The following ACOX3 variants were observed in gnomAD, a reference collection of about 807,000 sequenced individuals.
The protein encoded by ACOX3 is acyl-CoA oxidase 3, pristanoyl.
ACOX3 carries 73 observed loss-of-function variants against 81.5 expected under a neutral mutation model. The observed-to-expected ratio is 0.90, with a 90% CI of 0.74 to 1.09. ACOX3 has a LOEUF of 1.09. ACOX3 is among the 50% of genes least tolerant of loss of function. The pLI is 0.00. For synonymous variants in ACOX3, 387 were observed against 375.1 expected, an observed-to-expected ratio of 1.03 and a Z score of -0.37; for missense variants, 947 against 928.0, an observed-to-expected ratio of 1.02 and a Z score of -0.27.
the ACOX3 span, chr4:8,357,378 A>G: frequency 4.8e-5 from 18 of 376,740 alleles, no homozygotes; most frequent in South Asian, 3.3e-4. Flanking sequence ...AAGGAGTACA[A>G]TGAATCAAAT....
intron 14 of ACOX3, among the ~76,000 whole-genome samples, chr4:8,375,546 G>A (rs535616864): frequency 3.3e-4 from 51 of 152,310 alleles, no homozygotes; most frequent in African/African-American, 1.2e-3. Context: ...TTCCACACGG[G>A]AAGACACAGA....
At chr4:8,376,819 C>T (rs1000397342) in intron 14 of ACOX3, among the ~76,000 whole-genome samples, 15 of 151,256 alleles carry the variant, frequency 9.9e-5, no homozygotes, top group Admixed American at 9.9e-4. Flanking sequence ...AGGATCTGGA[C>T]TTGCTCTGGG....
At chr4:8,375,241 CG>C in intron 14 of ACOX3, 89 bp from the exon 15 acceptor site, 1 of 1,330,318 alleles carries the variant, frequency 7.5e-7, no homozygotes, top group Non-Finnish European at 1.0e-6. Context: ...AACACGAACG[CG>C]GGTCTGCGTT....
intron 17 of ACOX3, among the ~76,000 whole-genome samples, chr4:8,367,469 G>A (rs920178815): frequency 1.3e-5 from 2 of 151,322 alleles, no homozygotes; most frequent in East Asian, 3.9e-4. Flanking sequence ...GGCAACAAGA[G>A]CAAAACTCCG....
chr4:8,377,074 G>A (rs1057391439), intron 14 of ACOX3, among the ~76,000 whole-genome samples: 1 of 152,060 alleles, frequency 6.6e-6, no homozygotes, highest in Non-Finnish European at 1.5e-5. Flanking sequence ...GGCTGCTCCT[G>A]TGTCCACGAG....
rs554355047 is a variant in ACOX3, at chr4:8,368,040, A to G, written c.1984-960T>C. 1.4e-3 allele frequency among the ~76,000 whole-genome samples: 216 copies of G among 151,488 alleles called. No individual in the cohort carries two copies. Among genetic ancestry groups the G allele is most frequent in the African/African-American group, 4.7e-3 (194 of 41,374 alleles). ...CGTGGCAGTGGACACGCTGTTTCTT[A>G]GTAACTGCAGCCACCGCAGGATGCT... is the stretch of plus-strand genomic sequence containing the variant. On this transcript the variant is annotated intron_variant, in intron 17 of 17. Transcript: ENST00000356406. This position sits in a 1 kb window ranked among gnomAD's most constrained non-coding sequence, Gnocchi z 5.9.
chr4:8,373,614 C>T lies in ACOX3; in HGVS notation c.1843G>A (p.Gly615Ser), dbSNP rs369045964. The change falls in exon 16 of 18, where the codon GGT (glycine) becomes AGT (serine). Residue 615 changes from glycine (G) to serine (S), a missense_variant. By Grantham distance (56) the Gly-to-Ser change is moderately conservative (BLOSUM62 0). Coordinates refer to ENST00000356406, the MANE Select transcript of ACOX3 (RefSeq NM_003501.3). ...ALLYRGGYFS[G>S]EQAGEVLESA... ...TCCAACACTTCTCCCGCCTGCTCACCGGAGAAGTATCCTCCTGCAAGCACA... is the reference window on the plus strand; with the variant it reads ...TCCAACACTTCTCCCGCCTGCTCACTGGAGAAGTATCCTCCTGCAAGCACA... 40 of 1,612,684 alleles carry T rather than the reference C, an allele frequency of 2.5e-5. No homozygotes were observed. Among genetic ancestry groups the T allele is most frequent in the African/African-American group, 1.2e-4 (9 of 74,888 alleles).
intron 1 of ACOX3, chr4:8,436,266 G>A (rs1041978137): frequency 1.3e-5 from 2 of 152,102 alleles, no homozygotes; most frequent in Non-Finnish European, 2.9e-5. Flanking sequence ...TCAGTAGACT[G>A]GGAGCTATAC....
chr4:8,374,911 C>T (rs1457628043), intron 15 of ACOX3, 67 bp downstream of exon 15: 4 of 1,433,114 alleles, frequency 2.8e-6, no homozygotes, highest in Admixed American at 2.8e-5. Context: ...CAGGAAGCAG[C>T]TTCCTAGATA....
At chr4:8,387,316 A>G (rs1427155052) in intron 13 of ACOX3, among the ~76,000 whole-genome samples, 1 of 152,172 alleles carries the variant, frequency 6.6e-6, no homozygotes. Flanking sequence ...TGTAGGTTCC[A>G]CGGCCAGCAG....
In ACOX3 at chr4:8,437,466, G is replaced by A. The variant is rs868614383; in HGVS notation, c.-15+3182C>T. ...AAGAAAATGGGAGAGACAGCAGTGC[G>A]CGGGGGCAGGGCCTGTGCCACTGCC... On this transcript the variant is annotated intron_variant, in intron 1 of 17. Transcript: ENST00000356406. This position sits in a 1 kb window ranked among gnomAD's most constrained non-coding sequence, Gnocchi z 5.2. Among the ~76,000 whole-genome samples the A allele has an allele frequency of 1.6e-4, 24 of 152,280 alleles. 1 individual carries two copies. The highest frequency in any genetic ancestry group is 3.8e-4 in the African/African-American group (16 of 41,576).
Position 8,381,660 on chromosome 4 carries a change from T to C in ACOX3, c.1538-53A>G. ...AAGTAACAATAGAGAACACAGCATT[T>C]GTCACAACTCACCCCCAGGGACAAG... On this transcript the variant is annotated intron_variant, in intron 13 of 17. Transcript: ENST00000356406. The surrounding 1 kb of genome is among the most constrained non-coding windows in gnomAD (Gnocchi z 4.3). 7.2e-7 allele frequency: 1 copy of C among 1,380,570 alleles called. No homozygotes were observed. The highest frequency in any genetic ancestry group is 1.0e-6 in the Non-Finnish European group (1 of 977,384). 85.5% of individuals were successfully genotyped at this position (1,380,570 alleles called of 1,614,324 possible). A position where few individuals can be genotyped will look rare whatever the true frequency, so the allele number is the denominator to read the frequency against.
intron 14 of ACOX3, among the ~76,000 whole-genome samples, chr4:8,378,595 C>T (rs372522825): frequency 1.3e-5 from 2 of 151,676 alleles, no homozygotes; most frequent in East Asian, 3.9e-4. Flanking sequence ...AGGCAGGCTG[C>T]GGGGACGCCA....
Position 8,437,078 on chromosome 4 carries a change from T to C in ACOX3, c.-15+3570A>G, listed in dbSNP as rs1724290880. ...ACAAATATATGTAAATATATAGAAA[T>C]ATATACACGTAAATATATATATTTA... On this transcript the variant is annotated intron_variant, in intron 1 of 17. Coordinates refer to ENST00000356406, the MANE Select transcript of ACOX3 (RefSeq NM_003501.3). The surrounding 1 kb of genome is among the most constrained non-coding windows in gnomAD (Gnocchi z 5.2). 1.4e-5 allele frequency among the ~76,000 whole-genome samples: 2 copies of C among 140,544 alleles called. No individual in the cohort carries two copies. The highest frequency in any genetic ancestry group is 1.5e-4 in the Admixed American group (2 of 13,528). The allele number at this position is 140,544 out of a possible 152,430, so 92.2% of individuals were successfully genotyped here.
Position 8,396,266 on chromosome 4 carries a change from G to A in ACOX3, c.1056+671C>T, listed in dbSNP as rs148798298. Reference sequence around the variant, plus strand: ...TGCCAGGAATCATTTCTTAGGGATGGGATGAAAGTGTCAAAGAGTGTGCAC... The same window carrying A: ...TGCCAGGAATCATTTCTTAGGGATGAGATGAAAGTGTCAAAGAGTGTGCAC... On this transcript the variant is annotated intron_variant, in intron 9 of 17. Transcript: ENST00000356406. 3.9e-5 allele frequency among the ~76,000 whole-genome samples: 6 copies of A among 152,330 alleles called. No individual in the cohort carries two copies. The East Asian group carries it at 1.2e-3, about 29-fold the overall frequency.
Position 8,400,624 on chromosome 4 carries a change from G to C in ACOX3, c.777-972C>G, listed in dbSNP as rs2108906345. Among the ~76,000 whole-genome samples the C allele has an allele frequency of 6.6e-6, 1 of 152,292 alleles. No individual in the cohort carries two copies. Among genetic ancestry groups the C allele is most frequent in the South Asian group, 2.1e-4 (1 of 4,828 alleles). ...GGTCAGGAAAACCTATTACACAACAGTCTAGGGAATAAGGCTATGCTAGGT... is the reference window on the plus strand; with the variant it reads ...GGTCAGGAAAACCTATTACACAACACTCTAGGGAATAAGGCTATGCTAGGT... On this transcript the variant is annotated intron_variant, in intron 7 of 17. Transcript: ENST00000356406. The surrounding 1 kb of genome is among the most constrained non-coding windows in gnomAD (Gnocchi z 4.4).
intron 16 of ACOX3, among the ~76,000 whole-genome samples, chr4:8,372,178 G>A (rs1716298529): frequency 6.6e-6 from 1 of 152,188 alleles, no homozygotes; most frequent in African/African-American, 2.4e-5. Flanking sequence ...GCTCACTGCA[G>A]CCTCGAACAC....
chr4:8,394,471 A>G lies in ACOX3; in HGVS notation c.1179+149T>C. 1.6e-6 allele frequency: 2 copies of G among 1,275,780 alleles called. No individual in the cohort carries two copies. Among genetic ancestry groups the G allele is most frequent in the Non-Finnish European group, 1.0e-6 (1 of 955,156 alleles). The allele number at this position is 1,275,780 out of a possible 1,614,324, so 79.0% of individuals were successfully genotyped here. ...GCCCGTTCAATCGCGGCAGAGGCCA[A>G]GAGCTCCGAGTGGGTGGGAACAACT... On this transcript the variant is annotated intron_variant, in intron 10 of 17. Coordinates refer to ENST00000356406, the MANE Select transcript of ACOX3 (RefSeq NM_003501.3). The surrounding 1 kb of genome is among the most constrained non-coding windows in gnomAD (Gnocchi z 5.9).
chr4:8,379,151 C>G (rs552275491), intron 14 of ACOX3, among the ~76,000 whole-genome samples: 1 of 152,230 alleles, frequency 6.6e-6, no homozygotes, highest in Non-Finnish European at 1.5e-5. Flanking sequence ...TGCAGAAATG[C>G]TGAACCTTTA....
Sources: allele counts gnomAD v4.1 joint callset (sites outside exome capture counted in the v4.1 genomes callset), GRCh38; gene constraint gnomAD v4.1.1; non-coding constraint Gnocchi (gnomAD v3.1); transcripts MANE v1.5; gene names NCBI Gene and HGNC (gene_info 2026-07-23, HGNC 2026-07-21).